Variants in ATRNL1 observed in about 807,000 individuals in gnomAD.
The protein encoded by ATRNL1 is attractin like 1.
Under a neutral mutation model 182.7 loss-of-function variants are expected in ATRNL1, and 95 were observed. The observed-to-expected ratio is 0.52, with a 90% CI of 0.44 to 0.62. The LOEUF (loss-of-function observed/expected upper bound fraction) is 0.62, where lower values mean the gene tolerates loss of function less well. ATRNL1 is among the 20% of genes least tolerant of loss of function. ATRNL1 has a pLI of 0.00. For synonymous variants in ATRNL1, 576 were observed against 568.3 expected, an observed-to-expected ratio of 1.01 and a Z score of -0.19; for missense variants, 1,471 against 1,679.5, an observed-to-expected ratio of 0.88 and a Z score of 2.17.
chr10:115,165,593 C>G lies in ATRNL1; in HGVS notation c.1040C>G (p.Thr347Ser). The G allele has an allele frequency of 6.5e-7, 1 of 1,538,962 alleles. No individual in the cohort carries two copies. Among genetic ancestry groups the G allele is most frequent in the Non-Finnish European group, 8.8e-7 (1 of 1,132,924 alleles). Residue 347 changes from threonine (T) to serine (S), a missense_variant, in exon 7 of 29, where the codon ACT becomes AGT. Physicochemically the swap from Thr to Ser is moderately conservative, Grantham distance 58. This residue lies in a region of ATRNL1 where 1,031 missense variants were observed against 1,156.0 expected (regional missense o/e 0.89). Transcript: ENST00000355044. The stretch of plus-strand genomic sequence containing the variant: ...GAAAGCAGTATATGGAATGTAGGAA[C>G]TCCATCAAGGGGACCTCTCCAGAGA... Reference protein sequence around the residue: ...NLESSIWNVGTPSRGPLQRYG... With the variant: ...NLESSIWNVGSPSRGPLQRYG...
intron 28 of ATRNL1, among the ~76,000 whole-genome samples, chr10:115,910,179 G>A (rs567051830): frequency 6.6e-6 from 1 of 152,236 alleles, no homozygotes; most frequent in Admixed American, 6.5e-5. Context: ...ACCTCCATAT[G>A]GAGGAAGAAT....
Position 115,895,714 on chromosome 10 carries a change from A to G in ATRNL1, c.4018+47723A>G, listed in dbSNP as rs528448481. Among the ~76,000 whole-genome samples, 10 of 152,360 alleles carry G rather than the reference A, an allele frequency of 6.6e-5. No homozygotes were observed. In the South Asian group the frequency reaches 2.1e-3, roughly 32 times the overall value. On this transcript the variant is annotated intron_variant, in intron 28 of 28. Coordinates refer to ENST00000355044, the MANE Select transcript of ATRNL1 (RefSeq NM_207303.4). The stretch of plus-strand genomic sequence containing the variant: ...CTAATGTCTTGTGAAGAAGACAGAC[A>G]TTTAGACAAGTAATTACAATAAAGT...
chr10:115,537,612 A>T (rs1398192084), intron 25 of ATRNL1, among the ~76,000 whole-genome samples: 1 of 152,216 alleles, frequency 6.6e-6, no homozygotes, highest in African/African-American at 2.4e-5. Flanking sequence ...GAGTATTCTC[A>T]TACTTAAAGT....
At chr10:115,409,151 T>C (rs1198537736) in intron 20 of ATRNL1, among the ~76,000 whole-genome samples, 1 of 152,214 alleles carries the variant, frequency 6.6e-6, no homozygotes, top group African/African-American at 2.4e-5. Context: ...TCAATCTGTA[T>C]AGCTTTGTGT....
chr10:115,171,151 C>G lies in ATRNL1; in HGVS notation c.1207C>G (p.Leu403Val). Residue 403 changes from leucine to valine, a missense_variant, in exon 8 of 29, where the codon CTT becomes GTT. By Grantham distance (32) the Leu-to-Val change is conservative. Coordinates refer to ENST00000355044, the MANE Select transcript of ATRNL1 (RefSeq NM_207303.4). ...ATGGAGTACAAAAACTCCTACTGTT[C>G]TTGGACATGGTCAGCAGTATGCTGT... is the stretch of plus-strand genomic sequence containing the variant. ...QSWSTKTPTV[L>V]GHGQQYAVEG... 3 of 1,611,626 alleles carry G rather than the reference C, an allele frequency of 1.9e-6. No homozygotes were observed. Among genetic ancestry groups the G allele is most frequent in the Non-Finnish European group, 1.7e-6 (2 of 1,178,426 alleles).
intron 27 of ATRNL1, among the ~76,000 whole-genome samples, chr10:115,765,347 C>T (rs1372646059): frequency 1.3e-5 from 2 of 152,074 alleles, no homozygotes; most frequent in Non-Finnish European, 2.9e-5. Context: ...TCAGTGTTTT[C>T]GATTTTGGTC....
chr10:115,545,607 T>C (rs1320245467), intron 25 of ATRNL1, among the ~76,000 whole-genome samples: 2 of 152,188 alleles, frequency 1.3e-5, no homozygotes, highest in African/African-American at 4.8e-5. Context: ...AGAAAGAATT[T>C]AAGCTCCTCA....
In ATRNL1 at chr10:115,750,936, AC is replaced by A. The variant is rs146394145; in HGVS notation, c.3903+23582del. Among the ~76,000 whole-genome samples the A allele has an allele frequency of 2.3e-3, 348 of 152,232 alleles. 4 individuals are homozygous for A. The highest frequency in any genetic ancestry group is 8.1e-3 in the African/African-American group (338 of 41,562). On this transcript the variant is annotated intron_variant, in intron 27 of 28. Transcript: ENST00000355044. ...GTTTATCAGTAAGGTTGGCAAAAAC[AC>A]AAAAGGTTGAAAACATACTTGTGGT...
intron 21 of ATRNL1, among the ~76,000 whole-genome samples, chr10:115,438,298 A>G (rs956104901): frequency 6.6e-6 from 1 of 151,700 alleles, no homozygotes. Flanking sequence ...CACCTTGATG[A>G]TTTTTTTTAT....
At chr10:115,425,420 A>G (rs1845840929) in intron 20 of ATRNL1, among the ~76,000 whole-genome samples, 1 of 151,966 alleles carries the variant, frequency 6.6e-6, no homozygotes, top group Non-Finnish European at 1.5e-5. Flanking sequence ...AAATTTTATA[A>G]TAATTTATTT....
At chr10:115,325,067 A>G (rs11197163) in intron 18 of ATRNL1, among the ~76,000 whole-genome samples, 32,956 of 151,984 alleles carry the variant, frequency 0.22, 4,536 homozygotes, top group Non-Finnish European at 0.31. Context: ...AATGTTGCGC[A>G]TCTGTTGCAG....
At chr10:115,382,589 AC>A (rs1858081497) in intron 19 of ATRNL1, among the ~76,000 whole-genome samples, 1 of 151,508 alleles carries the variant, frequency 6.6e-6, no homozygotes, top group Non-Finnish European at 1.5e-5. Flanking sequence ...GTTCTAATAG[AC>A]TTTTTGTGGA....
At chr10:115,525,439 T>C (rs1159493117) in intron 25 of ATRNL1, among the ~76,000 whole-genome samples, 2 of 152,124 alleles carry the variant, frequency 1.3e-5, no homozygotes, top group African/African-American at 4.8e-5. Context: ...TGTGACTATC[T>C]CTCGTATTTT....
At chr10:115,302,518 G>A (rs1853524287) in intron 17 of ATRNL1, among the ~76,000 whole-genome samples, 1 of 152,038 alleles carries the variant, frequency 6.6e-6, no homozygotes, top group Non-Finnish European at 1.5e-5. Flanking sequence ...AGCATTTTGG[G>A]GCAAGAATAT....
chr10:115,379,830 AC>A (rs1363409937), intron 19 of ATRNL1, among the ~76,000 whole-genome samples: 2 of 152,036 alleles, frequency 1.3e-5, no homozygotes, highest in Admixed American at 6.6e-5. Flanking sequence ...TAAACTTTAT[AC>A]CTTTTTTTCT....
chr10:115,774,034 T>C (rs1393610287), intron 27 of ATRNL1, among the ~76,000 whole-genome samples: 1 of 152,126 alleles, frequency 6.6e-6, no homozygotes, highest in Admixed American at 6.5e-5. Context: ...ATGAATCATC[T>C]AGCTGAAAAT....
At chr10:115,522,290 G>T (rs1286317671) in intron 25 of ATRNL1, among the ~76,000 whole-genome samples, 2 of 152,162 alleles carry the variant, frequency 1.3e-5, no homozygotes, top group Admixed American at 6.5e-5. Context: ...TCTGGTGAGG[G>T]TATCAAACTG....
At chr10:115,916,691 G>A (rs879955407) in intron 28 of ATRNL1, among the ~76,000 whole-genome samples, 3 of 152,146 alleles carry the variant, frequency 2.0e-5, no homozygotes, top group Non-Finnish European at 2.9e-5. Context: ...GAGAGATCCC[G>A]ACAGTGTAGA....
chr10:115,114,792 A>G (rs1291616324), intron 1 of ATRNL1, among the ~76,000 whole-genome samples: 2 of 152,162 alleles, frequency 1.3e-5, no homozygotes, highest in Non-Finnish European at 2.9e-5. Flanking sequence ...TATTGGGGGA[A>G]AGTAAATTAG....
Sources: gnomAD v4.1 joint callset for allele counts (sites outside exome capture counted in the v4.1 genomes callset) on GRCh38, gnomAD v4.1.1 for gene constraint, gnomAD v4.1.1 regional missense constraint, MANE v1.5 for transcripts, NCBI Gene and HGNC (gene_info 2026-07-23, HGNC 2026-07-21) for gene names.